The following STAT3 variants were observed in gnomAD, a reference collection of about 807,000 sequenced individuals.
STAT3 encodes the protein signal transducer and activator of transcription 3.
STAT3 carries 7 observed loss-of-function variants against 114.3 expected under a neutral mutation model. The ratio of observed to expected loss-of-function variants is 0.06; its 90% CI spans 0.03 to 0.11. STAT3 has a LOEUF of 0.11. Among genes scored for constraint, STAT3 ranks in the 10% least tolerant of loss-of-function variants. STAT3 has a pLI of 1.00. For synonymous variants in STAT3, 331 were observed against 354.5 expected (o/e 0.93, Z 0.74); for missense variants, 364 against 960.9 (o/e 0.38, Z 8.21).
Position 42,315,513 on chromosome 17 carries a change from G to C in STAT3, c.*232C>G, listed in dbSNP as rs530910704. 20 of 612,840 alleles carry C rather than the reference G, an allele frequency of 3.3e-5. No individual in the cohort carries two copies. In the East Asian group the frequency reaches 5.5e-4, roughly 17 times the overall value. The allele number at this position is 612,840 out of a possible 1,614,324, so 38.0% of individuals were successfully genotyped here. On this transcript the variant is annotated 3_prime_UTR_variant, in exon 24 of 24. Coordinates refer to ENST00000264657, the MANE Select transcript of STAT3 (RefSeq NM_139276.3). ...CCACATCCCCTGATCATGGGTCTCA[G>C]AGAACACATCCTTATTTGCATTTAG...
At chr17:42,364,224 A>G (rs1369185776) in intron 1 of STAT3, among the ~76,000 whole-genome samples, 1 of 152,228 alleles carries the variant, frequency 6.6e-6, no homozygotes, top group Non-Finnish European at 1.5e-5. Flanking sequence ...CTGAAAGATC[A>G]GCCTATATAT....
intron 1 of STAT3, among the ~76,000 whole-genome samples, chr17:42,362,120 A>G (rs1410298811): frequency 2.6e-5 from 4 of 152,244 alleles, no homozygotes; most frequent in Admixed American, 6.5e-5. Context: ...AGGAGTGCCA[A>G]CATTGAGAGG....
rs1339115103 is a variant in STAT3, at chr17:42,359,060, C to T, written c.-23-10521G>A. 5.3e-5 allele frequency among the ~76,000 whole-genome samples: 8 copies of T among 151,208 alleles called. No homozygotes were observed. The East Asian group carries it at 9.8e-4, about 19-fold the overall frequency. ...ACACCATTCTCTTGCCTCAGCCTCC[C>T]GAGTAGCTGGGACTCCAGGCGCCCG... is the stretch of plus-strand genomic sequence containing the variant. On this transcript the variant is annotated intron_variant, in intron 1 of 23. Coordinates refer to ENST00000264657, the MANE Select transcript of STAT3 (RefSeq NM_139276.3).
chr17:42,322,158 T>C, intron 21 of STAT3, 124 bp downstream of exon 21: 1 of 935,674 alleles, frequency 1.1e-6, no homozygotes, highest in Non-Finnish European at 1.7e-6. Context: ...CTACAATTCT[T>C]TCCCATAAGG....
Position 42,316,917 on chromosome 17 carries a change from GGCA to G in STAT3, c.2145-19_2145-17del, listed in dbSNP as rs781438256. 3 of 1,605,798 alleles carry G rather than the reference GGCA, an allele frequency of 1.9e-6. No individual in the cohort carries two copies. The highest frequency in any genetic ancestry group is 2.6e-6 in the Non-Finnish European group (3 of 1,175,006). On this transcript the variant is annotated splice_polypyrimidine_tract_variant and intron_variant, in intron 22 of 23. Transcript: ENST00000264657. ...GCAGGTCGTTCTGTAGGAAATGGGGGGCAGCAGGAGGGGAAACGGGGGGTTGAC... is the reference window on the plus strand; with the variant it reads ...GCAGGTCGTTCTGTAGGAAATGGGGGGCAGGAGGGGAAACGGGGGGTTGAC...
At position 42,376,409 on chromosome 17, in the gene STAT3, T is replaced by A. The variant is rs549674074; in HGVS notation, c.-24+11870A>T. ...TAAAATTACAAAAATTAGCTGTGCG[T>A]GGTGGCACACGCCTGTAGTCCCAGC... On this transcript the variant is annotated intron_variant, in intron 1 of 23. Transcript: ENST00000264657. Among the ~76,000 whole-genome samples the A allele has an allele frequency of 2.0e-5, 3 of 151,930 alleles. No homozygotes were observed. The East Asian group carries it at 5.8e-4, about 30-fold the overall frequency.
intron 1 of STAT3, among the ~76,000 whole-genome samples, chr17:42,370,510 C>T (rs1297922871): frequency 2.0e-5 from 3 of 151,872 alleles, no homozygotes; most frequent in South Asian, 4.2e-4. Flanking sequence ...GTGATCTGCC[C>T]GCCTCGGCCT....
chr17:42,332,834 G>T lies in STAT3; in HGVS notation c.1049+839C>A, dbSNP rs192382149. Among the ~76,000 whole-genome samples, 475 of 151,082 alleles carry T rather than the reference G, an allele frequency of 3.1e-3. 7 individuals carry two copies. Among genetic ancestry groups the T allele is most frequent in the African/African-American group, 0.011 (457 of 41,164 alleles). On this transcript the variant is annotated intron_variant, in intron 10 of 23. Coordinates refer to ENST00000264657, the MANE Select transcript of STAT3 (RefSeq NM_139276.3). Reference sequence around the variant, plus strand: ...GGCCTGGCCGAAAGAGCGAGACTCTGTCTCAAAAAAAAAAAAATTAGCCGG... The same window carrying T: ...GGCCTGGCCGAAAGAGCGAGACTCTTTCTCAAAAAAAAAAAAATTAGCCGG...
chr17:42,337,417 G>A lies in STAT3; in HGVS notation c.797+18C>T. The A allele has an allele frequency of 2.5e-6, 4 of 1,612,378 alleles. No homozygotes were observed. The highest frequency in any genetic ancestry group is 3.4e-6 in the Non-Finnish European group (4 of 1,178,584). On this transcript the variant is annotated intron_variant, in intron 8 of 23. Transcript: ENST00000264657. This position sits in a 1 kb window ranked among gnomAD's most constrained non-coding sequence, Gnocchi z 4.0. ...CTAGCTTTCGAGAAAGAAAGGAAAA[G>A]CTTCTTTCATCCTTTACCAGTTTTC...
At chr17:42,369,599 A>G (rs2083994476) in intron 1 of STAT3, among the ~76,000 whole-genome samples, 1 of 152,100 alleles carries the variant, frequency 6.6e-6, no homozygotes, top group African/African-American at 2.4e-5. Context: ...CAACTCAATA[A>G]CAAAAAGCAG....
At chr17:42,330,052 T>C (rs563255473) in intron 11 of STAT3, among the ~76,000 whole-genome samples, 8 of 152,234 alleles carry the variant, frequency 5.3e-5, no homozygotes, top group South Asian at 2.1e-4. Flanking sequence ...TATTTTCCAG[T>C]GCATCCTCAT....
At chr17:42,356,663 G>T (rs918226848) in intron 1 of STAT3, among the ~76,000 whole-genome samples, 1 of 151,812 alleles carries the variant, frequency 6.6e-6, no homozygotes, top group Non-Finnish European at 1.5e-5. Context: ...TGTTCAAATA[G>T]AGACCAGCTG....
Position 42,314,246 on chromosome 17 carries a change from G to A in STAT3, c.*1499C>T, listed in dbSNP as rs1359087653. 4.3e-6 allele frequency: 1 copy of A among 233,112 alleles called. No individual in the cohort carries two copies. Among genetic ancestry groups the A allele is most frequent in the East Asian group, 6.0e-5 (1 of 16,596 alleles). The allele number at this position is 233,112 out of a possible 1,614,324, so 14.4% of individuals were successfully genotyped here. A position where few individuals can be genotyped will look rare whatever the true frequency, so the allele number is the denominator to read the frequency against. ...CTTTGCCCTGCATGAACTGAATGAAGACGCCATTACAAGTGCCACTGGATA... is the reference window on the plus strand; with the variant it reads ...CTTTGCCCTGCATGAACTGAATGAAAACGCCATTACAAGTGCCACTGGATA... On this transcript the variant is annotated 3_prime_UTR_variant, in exon 24 of 24. Coordinates refer to ENST00000264657, the MANE Select transcript of STAT3 (RefSeq NM_139276.3).
At chr17:42,316,983 A>G (rs2081279591) in intron 22 of STAT3, 82 bp from the exon 23 acceptor site, 5 of 1,567,910 alleles carry the variant, frequency 3.2e-6, no homozygotes, top group Non-Finnish European at 4.3e-6. Context: ...CAAAACACAC[A>G]CACACAAGCC....
intron 1 of STAT3, among the ~76,000 whole-genome samples, chr17:42,367,913 A>G (rs966065304): frequency 1.3e-5 from 2 of 152,256 alleles, no homozygotes; most frequent in Admixed American, 6.5e-5. Context: ...GTACCATAGG[A>G]GGTTAATTCA....
chr17:42,336,714 T>G (rs2082243306), intron 8 of STAT3, among the ~76,000 whole-genome samples: 1 of 152,136 alleles, frequency 6.6e-6, no homozygotes, highest in South Asian at 2.1e-4. Context: ...TCAACTAAAT[T>G]TTAACTACTA....
In STAT3 at chr17:42,315,082, G is replaced by T. The variant is rs1339511089; in HGVS notation, c.*663C>A. ...TCACCGTGTTAGCCAGGATGGTCTT[G>T]ATCTCCTGACCTTATGATCCGCCTC... On this transcript the variant is annotated 3_prime_UTR_variant, in exon 24 of 24. Coordinates refer to ENST00000264657, the MANE Select transcript of STAT3 (RefSeq NM_139276.3). The T allele has an allele frequency of 1.6e-5, 3 of 186,436 alleles. No homozygotes were observed. The highest frequency in any genetic ancestry group is 3.4e-5 in the Non-Finnish European group (3 of 88,444). The allele number at this position is 186,436 out of a possible 1,614,324, so 11.5% of individuals were successfully genotyped here. A position where few individuals can be genotyped will look rare whatever the true frequency, so the allele number is the denominator to read the frequency against.
intron 1 of STAT3, among the ~76,000 whole-genome samples, chr17:42,368,408 A>C (rs1266319788): frequency 6.6e-6 from 1 of 152,154 alleles, no homozygotes; most frequent in Non-Finnish European, 1.5e-5. Flanking sequence ...AAATCGTACA[A>C]CCACTTGGAT....
intron 1 of STAT3, among the ~76,000 whole-genome samples, chr17:42,384,374 C>T (rs905848498): frequency 6.6e-6 from 1 of 152,058 alleles, no homozygotes; most frequent in Non-Finnish European, 1.5e-5. Context: ...TCGTGATCCG[C>T]GCGTCTGGGC....
Sources: allele counts gnomAD v4.1 joint callset (sites outside exome capture counted in the v4.1 genomes callset), GRCh38; gene constraint gnomAD v4.1.1; non-coding constraint Gnocchi (gnomAD v3.1); transcripts MANE v1.5; gene names NCBI Gene and HGNC (gene_info 2026-07-23, HGNC 2026-07-21).